Variants in PSMD14 observed in about 807,000 individuals in gnomAD.
The protein encoded by PSMD14 is ubiquitin C-terminal hydrolase PSMD14.
PSMD14 carries 7 observed loss-of-function variants against 41.2 expected under a neutral mutation model. The observed-to-expected ratio is 0.17, with a 90% CI of 0.10 to 0.32. The LOEUF is 0.32. Ranked by LOEUF, PSMD14 falls within the 10% of genes least tolerant of loss-of-function variation. PSMD14 has a pLI of 1.00. For missense variants in PSMD14, 139 were observed against 375.6 expected (o/e 0.37, Z 5.21); for synonymous variants, 114 against 122.3 (o/e 0.93, Z 0.45).
intron 1 of PSMD14, among the ~76,000 whole-genome samples, chr2:161,309,025 C>T (rs1012809783): frequency 6.6e-6 from 1 of 152,170 alleles, no homozygotes; most frequent in Non-Finnish European, 1.5e-5. Context: ...TTCCTGTAAG[C>T]CTTAACCCTT....
At chr2:161,350,311 GTAAAAA>G (rs1427891892) in intron 3 of PSMD14, among the ~76,000 whole-genome samples, 2 of 152,160 alleles carry the variant, frequency 1.3e-5, no homozygotes, top group African/African-American at 4.8e-5. Flanking sequence ...GATGTACTTA[GTAAAAA>G]TACTTATTTA....
intron 3 of PSMD14, among the ~76,000 whole-genome samples, chr2:161,366,756 C>T (rs1168361218): frequency 6.6e-6 from 1 of 152,092 alleles, no homozygotes; most frequent in African/African-American, 2.4e-5. Context: ...TTACCTTGTG[C>T]AGGTGAATGT....
chr2:161,381,404 A>G (rs903464644), intron 7 of PSMD14: 5 of 151,830 alleles, frequency 3.3e-5, no homozygotes, highest in East Asian at 3.9e-4. Context: ...TGACTGTAAT[A>G]TAAGTGCAAC....
chr2:161,398,693 G>A (rs773328255), intron 10 of PSMD14, among the ~76,000 whole-genome samples: 1 of 151,754 alleles, frequency 6.6e-6, no homozygotes, highest in Non-Finnish European at 1.5e-5. Context: ...GAGATCTGAC[G>A]GTTTACTGTT....
At chr2:161,328,732 T>C (rs918057924) in intron 3 of PSMD14, among the ~76,000 whole-genome samples, 1 of 152,172 alleles carries the variant, frequency 6.6e-6, no homozygotes, top group African/African-American at 2.4e-5. Flanking sequence ...TATGGTTATA[T>C]CTAGCTAGTG....
chr2:161,341,455 C>G (rs1275894809), intron 3 of PSMD14: 1 of 323,930 alleles, frequency 3.1e-6, no homozygotes, highest in South Asian at 1.2e-4. Context: ...ATATATAATT[C>G]GCAGATATTT....
In PSMD14 at chr2:161,358,772, G is replaced by A. The variant is rs117493522; in HGVS notation, c.49-8706G>A. 2.0e-3 allele frequency among the ~76,000 whole-genome samples: 309 copies of A among 152,168 alleles called. 7 individuals are homozygous for A. The East Asian group carries it at 0.041, about 20-fold the overall frequency. Reference sequence around the variant, plus strand: ...AGTCTGGCCAACATGGTGAAACCCCGTCTCCACCAAAGATACCAAAAATAC... The same window carrying A: ...AGTCTGGCCAACATGGTGAAACCCCATCTCCACCAAAGATACCAAAAATAC... On this transcript the variant is annotated intron_variant, in intron 3 of 11. Transcript: ENST00000409682.
At chr2:161,364,482 G>A (rs1376098476) in intron 3 of PSMD14, among the ~76,000 whole-genome samples, 1 of 152,020 alleles carries the variant, frequency 6.6e-6, no homozygotes, top group Non-Finnish European at 1.5e-5. Flanking sequence ...CCTTAGCCAG[G>A]GGCCACACCC....
intron 1 of PSMD14, among the ~76,000 whole-genome samples, chr2:161,309,340 A>T (rs192979439): frequency 2.6e-5 from 4 of 152,354 alleles, no homozygotes; most frequent in South Asian, 2.1e-4. Flanking sequence ...ACTGAAGGAA[A>T]AATTCTCGAG....
At chr2:161,361,039 T>G (rs1473200654) in intron 3 of PSMD14, among the ~76,000 whole-genome samples, 1 of 152,240 alleles carries the variant, frequency 6.6e-6, no homozygotes, top group African/African-American at 2.4e-5. Flanking sequence ...TATGTTCCTT[T>G]ATTTGTTCAG....
At chr2:161,341,589 C>T (rs1389216150) in intron 3 of PSMD14, among the ~76,000 whole-genome samples, 2 of 151,176 alleles carry the variant, frequency 1.3e-5, no homozygotes, top group Non-Finnish European at 3.0e-5. Flanking sequence ...CCTGTAATCC[C>T]ATCATGTTGG....
intron 10 of PSMD14, among the ~76,000 whole-genome samples, chr2:161,404,764 C>G (rs761711448): frequency 6.6e-6 from 1 of 152,208 alleles, no homozygotes; most frequent in Non-Finnish European, 1.5e-5. Flanking sequence ...TACCTTTGAA[C>G]TTCTGAAGTC....
At chr2:161,324,756 G>A (rs1256679689) in intron 3 of PSMD14, among the ~76,000 whole-genome samples, 1 of 151,862 alleles carries the variant, frequency 6.6e-6, no homozygotes, top group Non-Finnish European at 1.5e-5. Context: ...AAGGGGAAGA[G>A]ATTAAAGGCA....
chr2:161,318,772 A>G (rs1202248803), intron 2 of PSMD14, 50 bp from the exon 3 acceptor site: 1 of 1,446,404 alleles, frequency 6.9e-7, no homozygotes, highest in Non-Finnish European at 9.7e-7. Context: ...TAGCAATTGA[A>G]TAAACATTTT....
At chr2:161,368,009 G>GA in intron 5 of PSMD14, 106 bp downstream of exon 5, 4 of 1,276,664 alleles carry the variant, frequency 3.1e-6, no homozygotes, top group Non-Finnish European at 3.1e-6. Context: ...TTTCCAGTAG[G>GA]AAAAATTAAT....
At chr2:161,342,606 A>T (rs1482428901) in intron 3 of PSMD14, among the ~76,000 whole-genome samples, 1 of 150,762 alleles carries the variant, frequency 6.6e-6, no homozygotes, top group African/African-American at 2.4e-5. Flanking sequence ...AGATTTTGAG[A>T]TGTTGTGTTT....
intron 8 of PSMD14, among the ~76,000 whole-genome samples, chr2:161,389,518 G>A (rs1051009005): frequency 6.6e-6 from 1 of 152,046 alleles, no homozygotes; most frequent in Non-Finnish European, 1.5e-5. Context: ...AATGAGTAAG[G>A]ATTTAATATA....
At chr2:161,360,387 G>A (rs1280986311) in intron 3 of PSMD14, among the ~76,000 whole-genome samples, 4 of 139,982 alleles carry the variant, frequency 2.9e-5, no homozygotes, top group Admixed American at 1.5e-4. Flanking sequence ...TTTTTCACCC[G>A]CTCTGTCACT....
intron 7 of PSMD14, chr2:161,382,983 G>A (rs977444129): frequency 6.6e-6 from 1 of 150,698 alleles, no homozygotes; most frequent in Non-Finnish European, 1.5e-5. Context: ...GCATCATGCT[G>A]TAAATACACA....
Sources: gnomAD v4.1 joint callset for allele counts (sites outside exome capture counted in the v4.1 genomes callset) on GRCh38, gnomAD v4.1.1 for gene constraint, MANE v1.5 for transcripts, NCBI Gene and HGNC (gene_info 2026-07-23, HGNC 2026-07-21) for gene names.